CERKL: variants seen among roughly 807,000 people sequenced by gnomAD.
CERKL encodes the protein ceramide kinase-like protein.
Under a neutral mutation model 63.4 loss-of-function variants are expected in CERKL, and 61 were observed. The observed-to-expected ratio is 0.96, with a 90% CI of 0.78 to 1.19. The LOEUF (loss-of-function observed/expected upper bound fraction) is 1.19, where lower values mean the gene tolerates loss of function less well. Ranked by LOEUF, CERKL falls within the 50% of genes most tolerant of loss-of-function variation. The pLI, the probability that CERKL is intolerant of heterozygous loss-of-function variation, is 0.00. For synonymous variants in CERKL, 250 were observed against 230.5 expected (o/e 1.08, Z -0.77); for missense variants, 675 against 655.5 (o/e 1.03, Z -0.33).
intron 2 of CERKL, among the ~76,000 whole-genome samples, chr2:181,589,736 T>C (rs185573606): frequency 7.9e-5 from 12 of 152,296 alleles, no homozygotes; most frequent in African/African-American, 2.9e-4. Context: ...AATTTATCTA[T>C]AAGTTGAGTG....
chr2:181,656,689 A>G, intron 1 of CERKL, 80 bp downstream of exon 1: 2 of 1,213,992 alleles, frequency 1.6e-6, no homozygotes, highest in South Asian at 3.1e-5. Context: ...GTGGAGCAAA[A>G]GCTCGTGGGT....
chr2:181,540,354 C>A (rs1436317808), intron 11 of CERKL, among the ~76,000 whole-genome samples: 1 of 152,192 alleles, frequency 6.6e-6, no homozygotes, highest in Non-Finnish European at 1.5e-5. Context: ...TCATTTAAAA[C>A]ACACAACTGC....
chr2:181,565,448 T>C lies in CERKL; in HGVS notation c.677+610A>G, dbSNP rs116063501. 8.1e-6 allele frequency: 13 copies of C among 1,612,270 alleles called. No individual in the cohort carries two copies. In the African/African-American group the frequency reaches 1.6e-4, roughly 20 times the overall value. On this transcript the variant is annotated intron_variant, in intron 4 of 12. Coordinates refer to ENST00000410087, the MANE Select transcript of CERKL (RefSeq NM_201548.5). ...TATCACTTGCCTTGGTTCTAACGTT[T>C]GCATGCCAGTGAACAATCTCTGTAC...
At chr2:181,618,618 T>C (rs185196703) in intron 1 of CERKL, among the ~76,000 whole-genome samples, 1 of 152,034 alleles carries the variant, frequency 6.6e-6, no homozygotes, top group Non-Finnish European at 1.5e-5. Context: ...GGTTTCACCA[T>C]GTTGGCTGGT....
intron 5 of CERKL, among the ~76,000 whole-genome samples, chr2:181,555,037 C>A (rs940284322): frequency 6.6e-6 from 1 of 152,112 alleles, no homozygotes; most frequent in African/African-American, 2.4e-5. Context: ...ACATAAAATG[C>A]TCCCCAAATC....
chr2:181,640,669 G>A (rs1687380638), intron 1 of CERKL, among the ~76,000 whole-genome samples: 1 of 152,184 alleles, frequency 6.6e-6, no homozygotes, highest in Non-Finnish European at 1.5e-5. Flanking sequence ...CTAGGCAATA[G>A]CATCTTCCTG....
At chr2:181,603,563 T>C (rs889658962) in intron 2 of CERKL, among the ~76,000 whole-genome samples, 1 of 152,082 alleles carries the variant, frequency 6.6e-6, no homozygotes, top group African/African-American at 2.4e-5. Context: ...ACCATGGCCA[T>C]TGGGGAGTTA....
intron 1 of CERKL, among the ~76,000 whole-genome samples, chr2:181,639,478 C>A (rs1226012227): frequency 1.3e-5 from 2 of 152,156 alleles, no homozygotes; most frequent in Non-Finnish European, 2.9e-5. Context: ...TTATCACTCC[C>A]ATTTTCTTCA....
At chr2:181,613,040 T>C (rs972374095) in intron 1 of CERKL, among the ~76,000 whole-genome samples, 1 of 152,232 alleles carries the variant, frequency 6.6e-6, no homozygotes, top group Non-Finnish European at 1.5e-5. Context: ...TCTTAGTGAT[T>C]TTCAGGTATT....
intron 1 of CERKL, among the ~76,000 whole-genome samples, chr2:181,636,582 A>T (rs1157882708): frequency 6.6e-6 from 1 of 152,186 alleles, no homozygotes; most frequent in Non-Finnish European, 1.5e-5. Context: ...TCCTGTATAA[A>T]CTACTGACTA....
In CERKL at chr2:181,549,687, T is replaced by C; in HGVS notation, c.842A>G (p.His281Arg). 1 of 1,612,360 alleles carries C rather than the reference T, an allele frequency of 6.2e-7. No individual in the cohort carries two copies. Among genetic ancestry groups the C allele is most frequent in the African/African-American group, 1.3e-5 (1 of 74,992 alleles). Residue 281 changes from histidine (H) to arginine (R), a missense_variant, in exon 6 of 13, where the codon CAT becomes CGT. Physicochemically the swap from His to Arg is conservative, Grantham distance 29. Transcript: ENST00000410087. ...IPAGSTNVLA[H>R]SLHGVPHVIT... ...CACATGAGGAACTCCATGAAGAGAA[T>C]GTGCCAATACATTGGTAGATCCTGC... is the stretch of plus-strand genomic sequence containing the variant.
chr2:181,624,824 A>T (rs1037044179), intron 1 of CERKL, among the ~76,000 whole-genome samples: 1 of 152,204 alleles, frequency 6.6e-6, no homozygotes, highest in Admixed American at 6.5e-5. Context: ...GAAATGGGAA[A>T]ATCTATAGGA....
intron 1 of CERKL, among the ~76,000 whole-genome samples, chr2:181,604,670 A>G (rs537310232): frequency 6.6e-6 from 1 of 152,334 alleles, no homozygotes; most frequent in East Asian, 1.9e-4. Context: ...TAACAGAAAA[A>G]ATAGAATTCA....
chr2:181,604,850 C>T (rs1685611770), intron 1 of CERKL, among the ~76,000 whole-genome samples: 1 of 144,082 alleles, frequency 6.9e-6, no homozygotes, highest in African/African-American at 2.9e-5. Flanking sequence ...TGAATTTAAC[C>T]ATAATCAGAC....
intron 1 of CERKL, among the ~76,000 whole-genome samples, chr2:181,624,490 A>G (rs1686596084): frequency 6.6e-6 from 1 of 152,194 alleles, no homozygotes; most frequent in South Asian, 2.1e-4. Context: ...AGCTATGATC[A>G]CCAGTGCATT....
intron 1 of CERKL, 76 bp from the exon 2 acceptor site, chr2:181,604,155 G>C: frequency 3.2e-6 from 4 of 1,249,950 alleles, no homozygotes; most frequent in Middle Eastern, 2.6e-4. Context: ...GGGCTTACCA[G>C]AGGGTAGAAA....
chr2:181,581,690 T>A (rs1334472444), intron 2 of CERKL, among the ~76,000 whole-genome samples: 3 of 152,210 alleles, frequency 2.0e-5, no homozygotes, highest in Admixed American at 2.0e-4. Flanking sequence ...CCTTCCATAA[T>A]GGAGCAAATC....
intron 1 of CERKL, among the ~76,000 whole-genome samples, chr2:181,614,119 T>C (rs1686088745): frequency 7.3e-6 from 1 of 137,124 alleles, no homozygotes; most frequent in African/African-American, 3.5e-5. Context: ...GCTGGCTCTG[T>C]GGGGTCGCAG....
Position 181,537,796 on chromosome 2 carries a change from T to G in CERKL, c.*388A>C, listed in dbSNP as rs1369574632. ...CAGAATTTGAATTGATATTTCATCT[T>G]GACTTTTAAAGCCCTAGAGGCTAAT... is the stretch of plus-strand genomic sequence containing the variant. On this transcript the variant is annotated 3_prime_UTR_variant, in exon 13 of 13. Transcript: ENST00000410087. 1 of 462,132 alleles carries G rather than the reference T, an allele frequency of 2.2e-6. No homozygotes were observed. Among genetic ancestry groups the G allele is most frequent in the Non-Finnish European group, 4.3e-6 (1 of 233,854 alleles). 28.6% of individuals were successfully genotyped at this position (462,132 alleles called of 1,614,324 possible).
Sources: allele counts gnomAD v4.1 joint callset (sites outside exome capture counted in the v4.1 genomes callset), GRCh38; gene constraint gnomAD v4.1.1; transcripts MANE v1.5; gene names NCBI Gene and HGNC (gene_info 2026-07-23, HGNC 2026-07-21).